The following KLF8 variants were observed in gnomAD, a reference collection of about 807,000 sequenced individuals.
KLF8 encodes the protein KLF transcription factor 8.
In KLF8, 10 loss-of-function variants were observed where a neutral mutation model predicts 18.2. The observed-to-expected ratio is 0.55, with a 90% CI of 0.34 to 0.93. KLF8 has a LOEUF of 0.93. KLF8 is among the 40% of genes least tolerant of loss of function. The probability of loss-of-function intolerance (pLI) is 0.02; values close to 1 mark genes in which losing one functional copy is unlikely to be tolerated. For missense variants in KLF8, 264 were observed against 277.9 expected, an observed-to-expected ratio of 0.95 and a Z score of 0.36; for synonymous variants, 109 against 97.3, an observed-to-expected ratio of 1.12 and a Z score of -0.71.
the KLF8 span, among the ~76,000 whole-genome samples, chrX:56,036,305 G>A: frequency 9.0e-6 from 1 of 111,282 alleles, no homozygotes; most frequent in African/African-American, 3.3e-5. Context: ...TAGTTTTATA[G>A]TTTTGTTTCT....
the KLF8 span, among the ~76,000 whole-genome samples, chrX:56,078,416 C>T: frequency 8.9e-6 from 1 of 112,055 alleles, no homozygotes; most frequent in Non-Finnish European, 1.9e-5. Flanking sequence ...GTTTTTGTCT[C>T]TGGTTCTGTT....
the KLF8 span, among the ~76,000 whole-genome samples, chrX:56,098,644 A>G: frequency 9.0e-6 from 1 of 111,665 alleles, no homozygotes; most frequent in African/African-American, 3.3e-5. Context: ...CATTGGTGAA[A>G]AACTGAAAGC....
the KLF8 span, among the ~76,000 whole-genome samples, chrX:55,936,750 G>A: frequency 9.0e-6 from 1 of 111,571 alleles, no homozygotes; most frequent in East Asian, 2.8e-4. Context: ...GGTTCAGAGA[G>A]TCCTACGCCC....
the KLF8 span, among the ~76,000 whole-genome samples, chrX:56,132,382 A>C: frequency 0.13 from 14,062 of 111,442 alleles, 1,604 homozygotes; most frequent in African/African-American, 0.37. Flanking sequence ...TGCTCCTGAA[A>C]GATCATTGGA....
At chrX:56,258,418 G>T (rs1466470314) in intron 2 of KLF8, among the ~76,000 whole-genome samples, 2 of 110,877 alleles carry the variant, frequency 1.8e-5, no homozygotes, top group African/African-American at 6.6e-5. Flanking sequence ...GACCACAGGC[G>T]CCTGCCACCA....
chrX:56,057,513 G>A, the KLF8 span, among the ~76,000 whole-genome samples: 1 of 111,753 alleles, frequency 8.9e-6, no homozygotes, highest in Non-Finnish European at 1.9e-5. Context: ...GTAGCAGAAA[G>A]TCTCTTGTGT....
chrX:55,988,953 T>C, the KLF8 span, among the ~76,000 whole-genome samples: 4 of 111,765 alleles, frequency 3.6e-5, no homozygotes, highest in Non-Finnish European at 5.6e-5. Flanking sequence ...TATTTTATTC[T>C]CTTTGAAGCA....
At chrX:56,184,203 G>A in the KLF8 span, among the ~76,000 whole-genome samples, 1 of 112,296 alleles carries the variant, frequency 8.9e-6, no homozygotes, top group African/African-American at 3.2e-5. Flanking sequence ...TTAAAAAATG[G>A]CGCACCAGGA....
chrX:56,040,663 A>G, the KLF8 span, among the ~76,000 whole-genome samples: 1 of 109,598 alleles, frequency 9.1e-6, no homozygotes, highest in African/African-American at 3.3e-5. Context: ...CATCAAGAAT[A>G]TTGACCTGAA....
chrX:56,007,525 C>G, the KLF8 span, among the ~76,000 whole-genome samples: 1 of 111,323 alleles, frequency 9.0e-6, no homozygotes, highest in African/African-American at 3.3e-5. Flanking sequence ...TTCTTCCACA[C>G]TGGGGAGTTC....
chrX:56,186,689 G>T, the KLF8 span, among the ~76,000 whole-genome samples: 1 of 111,923 alleles, frequency 8.9e-6, no homozygotes, highest in Non-Finnish European at 1.9e-5. Context: ...TCAGACCACA[G>T]TGCAATCAAA....
At chrX:56,197,296 A>G in the KLF8 span, among the ~76,000 whole-genome samples, 1 of 111,413 alleles carries the variant, frequency 9.0e-6, no homozygotes, top group Non-Finnish European at 1.9e-5. Flanking sequence ...AAATCAATGA[A>G]TCCAGGAGCT....
At chrX:56,019,655 A>G in the KLF8 span, among the ~76,000 whole-genome samples, 2 of 112,179 alleles carry the variant, frequency 1.8e-5, no homozygotes, top group East Asian at 5.6e-4. Flanking sequence ...GTGGTAAGAT[A>G]AAGTCCTGAG....
chrX:56,265,391 T>C lies in KLF8; in HGVS notation c.293T>C (p.Leu98Pro), dbSNP rs1451874481. ...DLSFHKPKAP[L>P]QPASMLQAPI... ...TCCTTTCACAAGCCCAAGGCTCCTCTCCAGCCTGCTAGCATGCTACAAGCT... is the reference window on the plus strand; with the variant it reads ...TCCTTTCACAAGCCCAAGGCTCCTCCCCAGCCTGCTAGCATGCTACAAGCT... Residue 98 changes from leucine (L) to proline (P), a missense_variant, in exon 3 of 6, where the codon CTC becomes CCC. Physicochemically the swap from Leu to Pro is moderately conservative, Grantham distance 98. Around this residue, in one of 2 missense-constraint regions of KLF8, gnomAD observed 221 missense variants for 193.6 expected, o/e 1.14. Transcript: ENST00000468660. The C allele has an allele frequency of 8.3e-7, 1 of 1,209,244 alleles. No homozygotes were observed. The highest frequency in any genetic ancestry group is 1.1e-6 in the Non-Finnish European group (1 of 895,035).
the KLF8 span, among the ~76,000 whole-genome samples, chrX:55,963,858 A>G: frequency 9.8e-5 from 11 of 112,181 alleles, no homozygotes; most frequent in African/African-American, 2.9e-4. Context: ...AATATCAACC[A>G]TGCACTTGGC....
chrX:56,044,091 T>C, the KLF8 span, among the ~76,000 whole-genome samples: 1 of 112,214 alleles, frequency 8.9e-6, no homozygotes, highest in Non-Finnish European at 1.9e-5. Flanking sequence ...GAGTCTGCTT[T>C]AGACCCCAGT....
At chrX:55,966,177 G>A in the KLF8 span, among the ~76,000 whole-genome samples, 5 of 112,576 alleles carry the variant, frequency 4.4e-5, no homozygotes, top group African/African-American at 1.6e-4. Flanking sequence ...TTCCCAGATG[G>A]CATGTCTGGA....
chrX:56,131,227 G>A, the KLF8 span, among the ~76,000 whole-genome samples: 141 of 111,812 alleles, frequency 1.3e-3, 1 homozygote, highest in African/African-American at 4.4e-3. Context: ...AGAATCTTAA[G>A]AGCTGTAAGG....
At chrX:56,085,963 G>A in the KLF8 span, among the ~76,000 whole-genome samples, 2 of 111,990 alleles carry the variant, frequency 1.8e-5, no homozygotes, top group African/African-American at 6.5e-5. Context: ...CTGAACCTCA[G>A]TAGGTTTTCC....
Sources: allele counts gnomAD v4.1 joint callset (sites outside exome capture counted in the v4.1 genomes callset), GRCh38; gene constraint gnomAD v4.1.1; regional missense constraint gnomAD v4.1.1; transcripts MANE v1.5; gene names NCBI Gene and HGNC (gene_info 2026-07-23, HGNC 2026-07-21).